TRHDE: variants seen among roughly 807,000 people sequenced by gnomAD.
TRHDE encodes the protein thyrotropin releasing hormone degrading enzyme.
TRHDE carries 72 observed loss-of-function variants against 125.7 expected under a neutral mutation model. That is an observed-to-expected ratio of 0.57 (90% CI 0.47 to 0.70). TRHDE has a LOEUF of 0.70. Ranked by LOEUF, TRHDE falls within the 30% of genes least tolerant of loss-of-function variation. TRHDE has a pLI of 0.00. For missense variants in TRHDE, 1,110 were observed against 1,327.1 expected (o/e 0.84, Z 2.54); for synonymous variants, 509 against 509.1 (o/e 1.00, Z 0.00).
chr12:72,115,139 T>C (rs1320652357), intron 2 of TRHDE, among the ~76,000 whole-genome samples: 1 of 152,068 alleles, frequency 6.6e-6, no homozygotes, highest in African/African-American at 2.4e-5. Context: ...TATTTTTGAC[T>C]ATACTCTCCA....
intron 3 of TRHDE, among the ~76,000 whole-genome samples, chr12:72,406,751 C>A (rs1735708488): frequency 6.6e-6 from 1 of 152,152 alleles, no homozygotes; most frequent in Admixed American, 6.5e-5. Context: ...TGTAGTTTTA[C>A]TTGTATCTTT....
chr12:72,321,402 A>G (rs1479248546), intron 2 of TRHDE, among the ~76,000 whole-genome samples: 1 of 152,172 alleles, frequency 6.6e-6, no homozygotes, highest in Non-Finnish European at 1.5e-5. Flanking sequence ...TTTTGCAGTT[A>G]GTTCCAAATT....
intron 2 of TRHDE, among the ~76,000 whole-genome samples, chr12:72,356,037 G>T (rs1425157801): frequency 6.6e-6 from 1 of 151,654 alleles, no homozygotes; most frequent in Admixed American, 6.6e-5. Context: ...CCCATTACTG[G>T]GTATATACCC....
chr12:72,454,173 T>G (rs1432993919), intron 3 of TRHDE, among the ~76,000 whole-genome samples: 1 of 151,232 alleles, frequency 6.6e-6, no homozygotes, highest in African/African-American at 2.4e-5. Context: ...CAAAAATGCT[T>G]GTTGATAAAT....
intron 13 of TRHDE, among the ~76,000 whole-genome samples, chr12:72,620,506 A>G (rs1398172904): frequency 6.6e-6 from 1 of 151,926 alleles, no homozygotes; most frequent in Non-Finnish European, 1.5e-5. Context: ...CCTGAGCAAC[A>G]GAGTGGAGAC....
At chr12:72,400,044 T>C (rs1872971925) in intron 3 of TRHDE, among the ~76,000 whole-genome samples, 2 of 152,146 alleles carry the variant, frequency 1.3e-5, no homozygotes, top group South Asian at 4.1e-4. Context: ...GGGTATCTTA[T>C]GATTTGTTAT....
At chr12:72,336,555 C>T (rs1348090723) in intron 2 of TRHDE, among the ~76,000 whole-genome samples, 1 of 152,086 alleles carries the variant, frequency 6.6e-6, no homozygotes, top group Non-Finnish European at 1.5e-5. Flanking sequence ...TGTATTAGTT[C>T]ATTTTTTGTT....
intron 5 of TRHDE, among the ~76,000 whole-genome samples, chr12:72,494,401 G>A (rs1355611837): frequency 6.6e-6 from 1 of 151,922 alleles, no homozygotes; most frequent in African/African-American, 2.4e-5. Flanking sequence ...CTCAGTCTTG[G>A]CTCTTATCTT....
chr12:72,295,675 A>G (rs552723530), intron 2 of TRHDE, among the ~76,000 whole-genome samples: 4 of 152,308 alleles, frequency 2.6e-5, no homozygotes, highest in South Asian at 2.1e-4. Flanking sequence ...GATATTCTGT[A>G]TATACGCTTA....
At chr12:72,438,264 T>C (rs1874835435) in intron 3 of TRHDE, among the ~76,000 whole-genome samples, 1 of 151,782 alleles carries the variant, frequency 6.6e-6, no homozygotes, top group Non-Finnish European at 1.5e-5. Context: ...CTTTGACCTA[T>C]TGATGTCATT....
intron 15 of TRHDE, among the ~76,000 whole-genome samples, chr12:72,631,571 A>C (rs193231208): frequency 1.6e-4 from 24 of 152,038 alleles, no homozygotes; most frequent in Admixed American, 7.9e-4. Context: ...ATTTCAGCAA[A>C]ATCATAGAAC....
chr12:72,200,352 A>G (rs544247218), intron 2 of TRHDE, among the ~76,000 whole-genome samples: 13 of 152,312 alleles, frequency 8.5e-5, no homozygotes, highest in Admixed American at 5.9e-4. Context: ...TTCAAACCTC[A>G]GTTTATTTAA....
chr12:72,401,141 A>C (rs908016765), intron 3 of TRHDE, among the ~76,000 whole-genome samples: 1 of 152,170 alleles, frequency 6.6e-6, no homozygotes, highest in African/African-American at 2.4e-5. Flanking sequence ...TAAACTTTTA[A>C]GTGATATTTG....
At position 72,470,718 on chromosome 12, in the gene TRHDE, C is replaced by G. The variant is rs1876600844; in HGVS notation, c.1470+806C>G. 2.6e-5 allele frequency among the ~76,000 whole-genome samples: 4 copies of G among 151,950 alleles called. No individual in the cohort carries two copies. The South Asian group carries it at 8.3e-4, about 32-fold the overall frequency. ...TTTCAATAAATTATAAAACCCACAC[C>G]TTGTTAGAAGCTGAAAAAACTAAGG... On this transcript the variant is annotated intron_variant, in intron 4 of 18. Coordinates refer to ENST00000261180, the MANE Select transcript of TRHDE (RefSeq NM_013381.3).
At chr12:72,537,258 G>T (rs1274290622) in intron 6 of TRHDE, among the ~76,000 whole-genome samples, 1 of 152,032 alleles carries the variant, frequency 6.6e-6, no homozygotes, top group Non-Finnish European at 1.5e-5. Flanking sequence ...TTATGGTGTG[G>T]TTTGGCCCTG....
chr12:72,318,683 A>G (rs1221909107), intron 2 of TRHDE, among the ~76,000 whole-genome samples: 1 of 151,858 alleles, frequency 6.6e-6, no homozygotes, highest in Non-Finnish European at 1.5e-5. Flanking sequence ...TCCTGGCTCC[A>G]TTATGTCCCA....
chr12:72,659,790 T>A (rs1012556987), intron 18 of TRHDE, among the ~76,000 whole-genome samples: 2 of 152,104 alleles, frequency 1.3e-5, no homozygotes, highest in Non-Finnish European at 2.9e-5. Flanking sequence ...TAAAATCATA[T>A]CATGGTATAG....
intron 3 of TRHDE, among the ~76,000 whole-genome samples, chr12:72,449,055 G>C (rs1049030359): frequency 6.6e-6 from 1 of 151,990 alleles, no homozygotes; most frequent in African/African-American, 2.4e-5. Context: ...CATGTCAACA[G>C]AGCATGGTTT....
At chr12:72,493,782 C>T (rs1240839057) in intron 5 of TRHDE, among the ~76,000 whole-genome samples, 2 of 152,006 alleles carry the variant, frequency 1.3e-5, no homozygotes, top group Non-Finnish European at 2.9e-5. Context: ...ACTTTTCCCA[C>T]TTATTCTTTC....
Sources: allele counts gnomAD v4.1 joint callset (sites outside exome capture counted in the v4.1 genomes callset), GRCh38; gene constraint gnomAD v4.1.1; transcripts MANE v1.5; gene names NCBI Gene and HGNC (gene_info 2026-07-23, HGNC 2026-07-21).